Variants in STAG3 observed in about 807,000 individuals in gnomAD.
STAG3 encodes STAG3 cohesin complex component.
A neutral mutation model predicts 160.7 loss-of-function variants in STAG3; 101 were observed. The observed-to-expected ratio is 0.63, with a 90% CI of 0.54 to 0.74. The LOEUF is 0.74. Among genes scored for constraint, STAG3 ranks in the 30% least tolerant of loss-of-function variants. The pLI is 0.00. For missense variants in STAG3, 1,188 were observed against 1,517.4 expected (o/e 0.78, Z 3.61); for synonymous variants, 519 against 585.0 (o/e 0.89, Z 1.63).
At position 100,180,609 on chromosome 7, in the gene STAG3, C is replaced by T. The variant is rs760422102; in HGVS notation, c.53C>T (p.Ala18Val). The T allele has an allele frequency of 1.2e-6, 2 of 1,613,658 alleles. No individual in the cohort carries two copies. Among genetic ancestry groups the T allele is most frequent in the South Asian group, 2.2e-5 (2 of 91,082 alleles). Reference sequence around the variant, plus strand: ...GGAGATACCAAGAGGGCCTTGTCTGCATCTTCTAGTTCCTCTGCCAGTCTA... The same window carrying T: ...GGAGATACCAAGAGGGCCTTGTCTGTATCTTCTAGTTCCTCTGCCAGTCTA... ...AVGDTKRALS[A>V]SSSSSASLPF... Residue 18 changes from alanine (A) to valine (V), a missense_variant, in exon 2 of 34, where the codon GCA becomes GTA. This residue lies in a region of STAG3 where 296 missense variants were observed against 404.0 expected (regional missense o/e 0.73). Transcript: ENST00000615138.
At chr7:100,188,308 T>C in intron 5 of STAG3, 145 bp from the exon 6 acceptor site, 1 of 754,052 alleles carries the variant, frequency 1.3e-6, no homozygotes, top group South Asian at 1.5e-5. Flanking sequence ...GGTTGGATGT[T>C]GGCAGACTGT....
intron 5 of STAG3, 44 bp from the exon 6 acceptor site, chr7:100,188,409 C>A: frequency 1.6e-6 from 2 of 1,241,260 alleles, no homozygotes; most frequent in Non-Finnish European, 2.4e-6. Context: ...ATCAAAGCAT[C>A]CTGTTATTTT....
intron 16 of STAG3, 88 bp from the exon 17 acceptor site, chr7:100,200,148 G>T: frequency 1.1e-6 from 1 of 921,570 alleles, no homozygotes; most frequent in Non-Finnish European, 1.7e-6. Flanking sequence ...CTTCTAGGCA[G>T]ATAAGGTCAT....
downstream of STAG3, chr7:100,218,568 G>A (rs748639409): frequency 5.6e-6 from 2 of 356,412 alleles, no homozygotes; most frequent in Non-Finnish European, 1.1e-5. Context: ...GAAGTGACTT[G>A]TTGGTGTTAT....
intron 9 of STAG3, among the ~76,000 whole-genome samples, chr7:100,196,833 CAG>C (rs1281584897): frequency 6.6e-6 from 1 of 151,780 alleles, no homozygotes; most frequent in Non-Finnish European, 1.5e-5. Context: ...GGTTTGGTAA[CAG>C]AAAGAAAATA....
intron 3 of STAG3, 66 bp from the exon 4 acceptor site, chr7:100,182,657 A>G: frequency 6.4e-7 from 1 of 1,561,092 alleles, no homozygotes. Context: ...GATGAAACCA[A>G]GCGTTAATGT....
chr7:100,208,327 T>C (rs1277991129), intron 29 of STAG3, among the ~76,000 whole-genome samples: 1 of 152,166 alleles, frequency 6.6e-6, no homozygotes, highest in Non-Finnish European at 1.5e-5. Context: ...AAAGATACTA[T>C]GTTCAGTGTT....
Position 100,211,011 on chromosome 7 carries a change from G to C in STAG3, c.3239G>C (p.Gly1080Ala). The change falls in exon 30 of 34, where the codon GGG (glycine) becomes GCG (alanine). Residue 1080 changes from glycine (G) to alanine (A), a missense_variant and splice_region_variant. Physicochemically the swap from Gly to Ala is moderately conservative, Grantham distance 60. Coordinates refer to ENST00000615138, the MANE Select transcript of STAG3 (RefSeq NM_001282717.2). ...GTTAATGTATGCATCTGCTTGGCAG[G>C]GCCTGCCAAGCCTAACAGAGAGGAC... ...LPSSKRRRVEGPAKPNREDVS... is the reference protein window; with the variant it reads ...LPSSKRRRVEAPAKPNREDVS... 1 of 1,612,522 alleles carries C rather than the reference G, an allele frequency of 6.2e-7. No individual in the cohort carries two copies. The highest frequency in any genetic ancestry group is 8.5e-7 in the Non-Finnish European group (1 of 1,179,502).
chr7:100,206,349 G>A (rs1801651701), intron 29 of STAG3, among the ~76,000 whole-genome samples: 1 of 152,060 alleles, frequency 6.6e-6, no homozygotes, highest in African/African-American at 2.4e-5. Flanking sequence ...TTAAAAAACA[G>A]CTTCATATTA....
At chr7:100,182,501 T>C (rs1799713023) in intron 3 of STAG3, among the ~76,000 whole-genome samples, 1 of 151,996 alleles carries the variant, frequency 6.6e-6, no homozygotes, top group Non-Finnish European at 1.5e-5. Context: ...CGTTAGGATG[T>C]AGAGATACAG....
chr7:100,204,550 A>C, intron 26 of STAG3, 77 bp from the exon 27 acceptor site: 4 of 1,544,264 alleles, frequency 2.6e-6, no homozygotes, highest in Non-Finnish European at 3.5e-6. Flanking sequence ...ATTTCTGAGT[A>C]GAGAAGAGAA....
chr7:100,205,322 T>TGGAGAACACAGC lies in STAG3; in HGVS notation c.3177_3188dup (p.Asn1061_Glu1064dup), dbSNP rs759924340. 174 of 1,614,170 alleles carry TGGAGAACACAGC rather than the reference T, an allele frequency of 1.1e-4. 1 individual carries two copies. The South Asian group carries it at 1.9e-3, about 17-fold the overall frequency. On this transcript the variant is annotated inframe_insertion, in exon 29 of 34. Coordinates refer to ENST00000615138, the MANE Select transcript of STAG3 (RefSeq NM_001282717.2). ...ACCTACTGCCACTCCCTCAGCCCTG[T>TGGAGAACACAGC]GGAGAACACAGCAGAGACCAGCCCT...
chr7:100,199,459 C>A, intron 15 of STAG3, 82 bp from the exon 16 acceptor site: 1 of 1,544,592 alleles, frequency 6.5e-7, no homozygotes, highest in Non-Finnish European at 8.9e-7. Flanking sequence ...AAGGCAGCAA[C>A]GGTGGCATCG....
At chr7:100,204,883 G>C in intron 27 of STAG3, 108 bp downstream of exon 27, 1 of 1,579,610 alleles carries the variant, frequency 6.3e-7, no homozygotes, top group Non-Finnish European at 8.6e-7. Context: ...GTCAGGTTAG[G>C]GGTGGGTATG....
intron 12 of STAG3, 81 bp downstream of exon 12, chr7:100,198,247 C>T: frequency 1.4e-6 from 2 of 1,396,212 alleles, no homozygotes; most frequent in Non-Finnish European, 2.0e-6. Flanking sequence ...TCATAGCTGA[C>T]TCTTCCATCT....
intron 16 of STAG3, 23 bp downstream of exon 16, chr7:100,199,667 G>A (rs1357285339): frequency 1.3e-6 from 2 of 1,540,202 alleles, no homozygotes; most frequent in East Asian, 2.3e-5. Flanking sequence ...GGTAGAGTGG[G>A]TAGGTCAGCA....
intron 4 of STAG3, 105 bp downstream of exon 4, chr7:100,182,944 C>T: frequency 7.7e-7 from 1 of 1,296,754 alleles, no homozygotes; most frequent in Non-Finnish European, 1.1e-6. Flanking sequence ...GTGAGTGTAA[C>T]ATGTCAAGAA....
At chr7:100,204,801 G>A in intron 27 of STAG3, 26 bp downstream of exon 27, 1 of 1,612,428 alleles carries the variant, frequency 6.2e-7, no homozygotes. Context: ...TGCAGGTTGT[G>A]TCCAGGGAGG....
chr7:100,211,341 C>T, intron 30 of STAG3, 94 bp from the exon 31 acceptor site: 1 of 1,497,620 alleles, frequency 6.7e-7, no homozygotes, highest in Non-Finnish European at 9.2e-7. Context: ...TAAAATGCAT[C>T]TCTCTGAGCT....
Sources: gnomAD v4.1 joint callset for allele counts (sites outside exome capture counted in the v4.1 genomes callset) on GRCh38, gnomAD v4.1.1 for gene constraint, gnomAD v4.1.1 regional missense constraint, MANE v1.5 for transcripts, NCBI Gene and HGNC (gene_info 2026-07-23, HGNC 2026-07-21) for gene names.